KCTD1: variants seen among roughly 807,000 people sequenced by gnomAD.
KCTD1 encodes potassium channel tetramerization domain containing 1.
Under a neutral mutation model 66.0 loss-of-function variants are expected in KCTD1, and 24 were observed. The ratio of observed to expected loss-of-function variants is 0.36; its 90% CI spans 0.26 to 0.51. KCTD1 has a LOEUF of 0.51. Among genes scored for constraint, KCTD1 ranks in the 20% least tolerant of loss-of-function variants. The pLI is 0.95. For missense variants in KCTD1, 943 were observed against 1,205.2 expected, an observed-to-expected ratio of 0.78 and a Z score of 3.22; for synonymous variants, 511 against 517.2, an observed-to-expected ratio of 0.99 and a Z score of 0.16.
At chr18:26,513,747 A>G (rs1983479060) in intron 1 of KCTD1, among the ~76,000 whole-genome samples, 1 of 152,248 alleles carries the variant, frequency 6.6e-6, no homozygotes. Flanking sequence ...AATATAAGCC[A>G]TAGAGATTCA....
chr18:26,571,626 AT>A (rs1401109779), intron 1 of KCTD1, among the ~76,000 whole-genome samples: 2 of 149,862 alleles, frequency 1.3e-5, no homozygotes, highest in African/African-American at 5.1e-5. Flanking sequence ...TTGTATTATT[AT>A]TTTTTATTTA....
chr18:26,548,132 C>T lies in KCTD1; in HGVS notation c.405G>A (p.Ala135=). The T allele has an allele frequency of 6.8e-6, 9 of 1,318,738 alleles. No homozygotes were observed. Among genetic ancestry groups the T allele is most frequent in the Non-Finnish European group, 8.6e-6 (9 of 1,042,712 alleles). The allele number at this position is 1,318,738 out of a possible 1,614,324, so 81.7% of individuals were successfully genotyped here. A position where few individuals can be genotyped will look rare whatever the true frequency, so the allele number is the denominator to read the frequency against. Residue 135 remains alanine (A), a synonymous_variant, in exon 1 of 5, where the codon GCG becomes GCA. Transcript: ENST00000580059. ...CCCGGGGCGCCAGCAGTCGCGGCGG[C>T]GCCTCGGGCTCCAGCGCGGCGCTCT... ...MDQSAALEPE[A]PPRLLAPRAR... is the part of the protein sequence containing the mutation.
intron 1 of KCTD1, among the ~76,000 whole-genome samples, chr18:26,616,922 T>C (rs1028271079): frequency 3.9e-5 from 6 of 152,244 alleles, no homozygotes; most frequent in Non-Finnish European, 2.9e-5. Flanking sequence ...GAGAACAAGA[T>C]GCTCAATCTC....
chr18:26,647,581 A>G (rs1316290365), intron 1 of KCTD1, among the ~76,000 whole-genome samples: 3 of 140,632 alleles, frequency 2.1e-5, no homozygotes, highest in African/African-American at 5.1e-5. Flanking sequence ...TTTTGGCCTC[A>G]TTTTGAGAGT....
At chr18:26,611,495 T>G (rs1053497749) in intron 1 of KCTD1, among the ~76,000 whole-genome samples, 5 of 151,496 alleles carry the variant, frequency 3.3e-5, no homozygotes, top group African/African-American at 1.2e-4. Context: ...GAATTACAGG[T>G]GTGCACCACC....
intron 3 of KCTD1, among the ~76,000 whole-genome samples, chr18:26,470,075 G>A (rs1490563267): frequency 2.0e-5 from 3 of 152,194 alleles, no homozygotes; most frequent in Non-Finnish European, 4.4e-5. Flanking sequence ...GTGGGAACAA[G>A]AGCCTAGTTT....
At chr18:26,632,022 G>A (rs1307798893), upstream of KCTD1, among the ~76,000 whole-genome samples, 1 of 151,238 alleles carries the variant, frequency 6.6e-6, no homozygotes, top group Non-Finnish European at 1.5e-5. Context: ...TGCACTCCAG[G>A]CTGGGTGACA....
intron 1 of KCTD1, among the ~76,000 whole-genome samples, chr18:26,546,225 TA>T (rs4059262): frequency 0.026 from 3,665 of 141,978 alleles, 131 homozygotes; most frequent in African/African-American, 0.078. Flanking sequence ...CCCTTTTCTT[TA>T]AAAAAAAAAA....
chr18:26,495,625 A>G (rs1260916440), intron 2 of KCTD1, among the ~76,000 whole-genome samples: 1 of 151,976 alleles, frequency 6.6e-6, no homozygotes, highest in Admixed American at 6.6e-5. Flanking sequence ...CCAATTTAAC[A>G]TAATCTACTT....
chr18:26,592,739 T>C (rs1986637071), intron 1 of KCTD1, among the ~76,000 whole-genome samples: 1 of 152,200 alleles, frequency 6.6e-6, no homozygotes, highest in African/African-American at 2.4e-5. Flanking sequence ...TCCCCTTTGC[T>C]CTGTAACCTT....
chr18:26,639,392 A>G (rs747207813), intron 1 of KCTD1, among the ~76,000 whole-genome samples: 6 of 152,090 alleles, frequency 3.9e-5, no homozygotes, highest in Admixed American at 6.5e-5. Flanking sequence ...TTTGGTTCCT[A>G]TCTTGTAGGC....
Position 26,599,614 on chromosome 18 carries a change from A to C in KCTD1, c.-16+29533T>G. 3.4e-6 allele frequency: 5 copies of C among 1,478,114 alleles called. No homozygotes were observed. The South Asian group carries it at 4.5e-5, about 13-fold the overall frequency. The allele number at this position is 1,478,114 out of a possible 1,614,324, so 91.6% of individuals were successfully genotyped here. A position where few individuals can be genotyped will look rare whatever the true frequency, so the allele number is the denominator to read the frequency against. On this transcript the variant is annotated intron_variant, in intron 1 of 4. Coordinates refer to the KCTD1 transcript ENST00000317932. ...TTATTTTGTCGGGTTTAGTCCCGGGAAGCACCACTCTGCACAGTGCTGAGA... is the reference window on the plus strand; with the variant it reads ...TTATTTTGTCGGGTTTAGTCCCGGGCAGCACCACTCTGCACAGTGCTGAGA...
chr18:26,565,519 C>A (rs1212287152), intron 1 of KCTD1, among the ~76,000 whole-genome samples: 1 of 152,128 alleles, frequency 6.6e-6, no homozygotes, highest in African/African-American at 2.4e-5. Context: ...AAAGTTTTTC[C>A]TTTTCACCTG....
chr18:26,619,437 T>A (rs1016623295), intron 1 of KCTD1, among the ~76,000 whole-genome samples: 19 of 152,340 alleles, frequency 1.2e-4, no homozygotes, highest in African/African-American at 4.6e-4. Context: ...TTTTGGTGTA[T>A]GTAATTTGTT....
At chr18:26,530,254 A>T (rs1984372478) in intron 1 of KCTD1, among the ~76,000 whole-genome samples, 1 of 152,342 alleles carries the variant, frequency 6.6e-6, no homozygotes, top group Admixed American at 6.5e-5. Context: ...CTACACTTTG[A>T]ATAAATATAT....
At chr18:26,501,811 G>A (rs1421286125) in intron 1 of KCTD1, among the ~76,000 whole-genome samples, 1 of 152,200 alleles carries the variant, frequency 6.6e-6, no homozygotes, top group Non-Finnish European at 1.5e-5. Flanking sequence ...ACCTTGCAAA[G>A]AGATACCACA....
intron 1 of KCTD1, among the ~76,000 whole-genome samples, chr18:26,623,088 C>T (rs16942490): frequency 0.088 from 13,458 of 152,160 alleles, 1,593 homozygotes; most frequent in African/African-American, 0.27. Flanking sequence ...CTTCACCTCA[C>T]GTGCAGACAA....
intron 1 of KCTD1, among the ~76,000 whole-genome samples, chr18:26,563,241 G>C (rs965115393): frequency 2.0e-5 from 3 of 152,182 alleles, no homozygotes; most frequent in Admixed American, 6.5e-5. Context: ...GCCTGCAAAC[G>C]TGTCCAGGCT....
chr18:26,456,031 C>T (rs1212448497), intron 4 of KCTD1, 130 bp from the exon 5 acceptor site: 37 of 810,900 alleles, frequency 4.6e-5, no homozygotes, highest in Non-Finnish European at 1.5e-5. Flanking sequence ...GTGAGCTGCT[C>T]CTCTCAAAGG....
Sources: allele counts gnomAD v4.1 joint callset (sites outside exome capture counted in the v4.1 genomes callset), GRCh38; gene constraint gnomAD v4.1.1; transcripts MANE v1.5; gene names NCBI Gene and HGNC (gene_info 2026-07-23, HGNC 2026-07-21).